PYURF: variants seen among roughly 807,000 people sequenced by gnomAD.
PYURF encodes the protein protein preY, mitochondrial.
A neutral mutation model predicts 8.0 loss-of-function variants in PYURF; 9 were observed. The observed-to-expected ratio is 1.13, with a 90% CI of 0.68 to 1.97. PYURF has a LOEUF of 1.97. Among genes scored for constraint, PYURF ranks in the 30% most tolerant of loss-of-function variants. PYURF has a pLI of 0.00. For missense variants in PYURF, 130 were observed against 158.0 expected, an observed-to-expected ratio of 0.82 and a Z score of 0.95; for synonymous variants, 56 against 68.3, an observed-to-expected ratio of 0.82 and a Z score of 0.89.
At chr4:88,523,317 CT>C (rs1163435457) in intron 1 of PYURF, among the ~76,000 whole-genome samples, 180 bp downstream of exon 1, 1 of 152,196 alleles carries the variant, frequency 6.6e-6, no homozygotes, top group Non-Finnish European at 1.5e-5. Context: ...CGCAGCTCCC[CT>C]GGCCTCCGGT....
At position 88,523,580 on chromosome 4, in the gene PYURF, T is replaced by C. The variant is rs1742463213; in HGVS notation, c.121A>G (p.Lys41Glu). ...TCGCGGGGCGGCTCCTCAGTCTTCT[T>C]GCCCCGGTCGGCCAAAGGCCGCGAC... ...SGSRPLADRG[K>E]KTEEPPRDFD... Residue 41 changes from lysine to glutamate, a missense_variant, in exon 1 of 2, where the codon AAG becomes GAG. Lys to Glu is a moderately conservative substitution (Grantham distance 56, BLOSUM62 1). Transcript: ENST00000273968. 1 of 1,550,196 alleles carries C rather than the reference T, an allele frequency of 6.5e-7. No homozygotes were observed. Among genetic ancestry groups the C allele is most frequent in the Non-Finnish European group, 8.7e-7 (1 of 1,146,804 alleles).
intron 1 of PYURF, among the ~76,000 whole-genome samples, chr4:88,522,925 G>A (rs1015319163): frequency 6.6e-6 from 1 of 152,076 alleles, no homozygotes; most frequent in Non-Finnish European, 1.5e-5. Context: ...GGAAGGCTTC[G>A]GACTTGTCCT....
chr4:88,523,414 C>A, intron 1 of PYURF, 84 bp downstream of exon 1: 1 of 1,385,114 alleles, frequency 7.2e-7, no homozygotes, highest in African/African-American at 1.4e-5. Flanking sequence ...TACAAGGCCC[C>A]AGTGGCTGCA....
intron 1 of PYURF, among the ~76,000 whole-genome samples, chr4:88,522,306 GA>G (rs1384473692): frequency 6.6e-6 from 1 of 151,960 alleles, no homozygotes; most frequent in Non-Finnish European, 1.5e-5. Context: ...ATACTAGTCA[GA>G]AAAGATCCCC....
At chr4:88,522,721 T>C (rs773839025) in intron 1 of PYURF, among the ~76,000 whole-genome samples, 3 of 152,194 alleles carry the variant, frequency 2.0e-5, no homozygotes, top group African/African-American at 7.2e-5. Context: ...TTTTGGTAGC[T>C]TGGAAACTGT....
At chr4:88,523,390 G>A (rs1210625931) in intron 1 of PYURF, 108 bp downstream of exon 1, 22 of 1,154,614 alleles carry the variant, frequency 1.9e-5, no homozygotes, top group Non-Finnish European at 2.8e-5. Flanking sequence ...GCAGCGGAGA[G>A]TACCTGACCG....
rs534363567 is a variant in PYURF at position 88,522,296 on chromosome 4, A to G, written c.204-267T>C. On this transcript the variant is annotated intron_variant, in intron 1 of 1. Transcript: ENST00000273968. The stretch of plus-strand genomic sequence containing the variant: ...ACAAGTTATTCCTTAATTTTTTTTC[A>G]TACTAGTCAGAAAAGATCCCCCTCT... 4.1e-4 allele frequency among the ~76,000 whole-genome samples: 63 copies of G among 152,102 alleles called. 1 individual carries two copies. The highest frequency in any genetic ancestry group is 1.5e-3 in the African/African-American group (61 of 41,460).
intron 1 of PYURF, among the ~76,000 whole-genome samples, chr4:88,522,716 G>A (rs1742414928): frequency 6.6e-6 from 1 of 152,106 alleles, no homozygotes; most frequent in Admixed American, 6.5e-5. Context: ...TTCAATTTTG[G>A]TAGCTTGGAA....
At position 88,521,692 on chromosome 4, in the gene PYURF, C is replaced by T; in HGVS notation, c.*196G>A. ...GCAAAGGCTGGCTGTGCTAGTGCAG[C>T]CCTGTGGGAAGTTTTCTTCCACAGA... On this transcript the variant is annotated 3_prime_UTR_variant, in exon 2 of 2. Transcript: ENST00000273968. The T allele has an allele frequency of 6.2e-7, 1 of 1,613,926 alleles. No individual in the cohort carries two copies. The highest frequency in any genetic ancestry group is 2.2e-5 in the East Asian group (1 of 44,886).
At chr4:88,522,297 T>C (rs1008397665) in intron 1 of PYURF, among the ~76,000 whole-genome samples, 1 of 152,204 alleles carries the variant, frequency 6.6e-6, no homozygotes, top group African/African-American at 2.4e-5. Context: ...TTTTTTTTCA[T>C]ACTAGTCAGA....
rs764694195 is a variant in PYURF, at chr4:88,523,449, T to C, written c.203+49A>G. The C allele has an allele frequency of 5.8e-6, 9 of 1,543,730 alleles. No homozygotes were observed. In the African/African-American group the frequency reaches 1.2e-4, roughly 21 times the overall value. ...AAGAGGCCGCGGTCCACCGCTCCCT[T>C]TCCGCCCACCGGGAGGCTGCAAAGG... On this transcript the variant is annotated intron_variant, in intron 1 of 1. Transcript: ENST00000273968.
chr4:88,521,685 A>C lies in PYURF; in HGVS notation c.*203T>G. 6.2e-7 allele frequency: 1 copy of C among 1,613,966 alleles called. No homozygotes were observed. Among genetic ancestry groups the C allele is most frequent in the South Asian group, 1.1e-5 (1 of 91,080 alleles). ...TGTAAAAGCAAAGGCTGGCTGTGCT[A>C]GTGCAGCCCTGTGGGAAGTTTTCTT... On this transcript the variant is annotated 3_prime_UTR_variant, in exon 2 of 2. Coordinates refer to ENST00000273968, the MANE Select transcript of PYURF (RefSeq NM_032906.5).
chr4:88,522,020 T>C lies in PYURF; in HGVS notation c.213A>G (p.Ala71=), dbSNP rs1362683428. Residue 71 remains alanine, a synonymous_variant, in exon 2 of 2, where the codon GCA becomes GCG. Transcript: ENST00000273968. The part of the protein sequence containing the change: ...PLSKKPLRYE[A]STNELINEEL... ...CTTCATTAATCAATTCGTTTGTTGA[T>C]GCTTCATATCTGAGGTGGAAAAAAA... The C allele has an allele frequency of 6.5e-7, 1 of 1,546,208 alleles. No homozygotes were observed. The highest frequency in any genetic ancestry group is 2.4e-5 in the East Asian group (1 of 40,894).
intron 1 of PYURF, 88 bp from the exon 2 acceptor site, chr4:88,522,117 C>A: frequency 7.9e-7 from 1 of 1,262,270 alleles, no homozygotes; most frequent in Non-Finnish European, 1.1e-6. Flanking sequence ...ACCATTTATC[C>A]AATTTTTGGT....
chr4:88,521,774 G>T lies in PYURF; in HGVS notation c.*114C>A, dbSNP rs1240739090. 3 of 1,612,040 alleles carry T rather than the reference G, an allele frequency of 1.9e-6. No individual in the cohort carries two copies. Among genetic ancestry groups the T allele is most frequent in the African/African-American group, 2.7e-5 (2 of 75,026 alleles). ...AGTGGAATAAGAACAGTCAACGTAGGAAGAGACAGAAACATTCTTCTCTTC... is the reference window on the plus strand; with the variant it reads ...AGTGGAATAAGAACAGTCAACGTAGTAAGAGACAGAAACATTCTTCTCTTC... On this transcript the variant is annotated 3_prime_UTR_variant, in exon 2 of 2. Coordinates refer to ENST00000273968, the MANE Select transcript of PYURF (RefSeq NM_032906.5).
At position 88,521,524 on chromosome 4, in the gene PYURF, G is replaced by A. The variant is rs1177854646; in HGVS notation, c.*364C>T. ...CCATCCATTTGAGCTTTCAGAGATC[G>A]ATGCCCAAGAGCTATCATTAATATA... On this transcript the variant is annotated 3_prime_UTR_variant, in exon 2 of 2. Transcript: ENST00000273968. 4 of 1,479,170 alleles carry A rather than the reference G, an allele frequency of 2.7e-6. No homozygotes were observed. The highest frequency in any genetic ancestry group is 3.7e-6 in the Non-Finnish European group (4 of 1,069,160). The allele number at this position is 1,479,170 out of a possible 1,614,324, so 91.6% of individuals were successfully genotyped here.
At chr4:88,522,064 G>A in intron 1 of PYURF, 35 bp from the exon 2 acceptor site, 3 of 1,507,688 alleles carry the variant, frequency 2.0e-6, no homozygotes, top group Non-Finnish European at 2.7e-6. Flanking sequence ...AATGAGTTGT[G>A]GGAAAATAAA....
In PYURF at chr4:88,521,634, T is replaced by C. The variant is rs781364498; in HGVS notation, c.*254A>G. ...TCCAAAGGTGGAAGAATACATACAC[T>C]GGTATGGTAATAGGCAAGAGCAGGC... On this transcript the variant is annotated 3_prime_UTR_variant, in exon 2 of 2. Coordinates refer to ENST00000273968, the MANE Select transcript of PYURF (RefSeq NM_032906.5). 8 of 1,613,868 alleles carry C rather than the reference T, an allele frequency of 5.0e-6. No individual in the cohort carries two copies. The Admixed American group carries it at 5.0e-5, about 10-fold the overall frequency.
rs867684290 is a variant in PYURF at position 88,521,444 on chromosome 4, C to A, written c.*444G>T. 2.2e-4 allele frequency: 174 copies of A among 792,704 alleles called. No individual in the cohort carries two copies. In the Middle Eastern group the frequency reaches 6.8e-3, roughly 31 times the overall value. 49.1% of individuals were successfully genotyped at this position (792,704 alleles called of 1,614,324 possible). A position where few individuals can be genotyped will look rare whatever the true frequency, so the allele number is the denominator to read the frequency against. On this transcript the variant is annotated 3_prime_UTR_variant, in exon 2 of 2. Coordinates refer to ENST00000273968, the MANE Select transcript of PYURF (RefSeq NM_032906.5). ...AGAAGCATCTGCAACTTAAGCCTCCCACAGTCCTAAGCCTGATATGCGCAA... is the reference window on the plus strand; with the variant it reads ...AGAAGCATCTGCAACTTAAGCCTCCAACAGTCCTAAGCCTGATATGCGCAA...
Sources: allele counts gnomAD v4.1 joint callset (sites outside exome capture counted in the v4.1 genomes callset), GRCh38; gene constraint gnomAD v4.1.1; transcripts MANE v1.5; gene names NCBI Gene and HGNC (gene_info 2026-07-23, HGNC 2026-07-21).